The following TENM2 variants were observed in gnomAD, a reference collection of about 807,000 sequenced individuals.
TENM2 encodes teneurin transmembrane protein 2.
Under a neutral mutation model 245.2 loss-of-function variants are expected in TENM2, and 52 were observed. The observed-to-expected ratio is 0.21, with a 90% confidence interval of 0.17 to 0.27. TENM2 has a LOEUF of 0.27. Ranked by LOEUF, TENM2 falls within the 10% of genes least tolerant of loss-of-function variation. The pLI, the probability that TENM2 is intolerant of heterozygous loss-of-function variation, is 1.00. For missense variants in TENM2, 3,046 were observed against 3,666.8 expected (o/e 0.83, Z 4.37); for synonymous variants, 1,363 against 1,438.9 (o/e 0.95, Z 1.19).
chr5:167,986,928 C>T (rs191216320), intron 4 of TENM2, among the ~76,000 whole-genome samples: 1 of 152,288 alleles, frequency 6.6e-6, no homozygotes, highest in Admixed American at 6.5e-5. Context: ...GATTTTCCAG[C>T]AGCATGTGAC....
chr5:168,118,302 T>A, exon 10 of TENM2: 1 of 1,585,550 alleles, frequency 6.3e-7, no homozygotes, highest in Non-Finnish European at 8.6e-7. Context: ...CTGCCTGCCC[T>A]GTCCTGTGCA....
the TENM2 span, among the ~76,000 whole-genome samples, chr5:167,004,779 G>A: frequency 6.6e-6 from 1 of 152,244 alleles, no homozygotes; most frequent in Non-Finnish European, 1.5e-5. Context: ...GGTTAGAAGG[G>A]CCTTACGTTA....
chr5:167,937,464 G>A (rs779780225), intron 3 of TENM2, among the ~76,000 whole-genome samples: 3 of 152,170 alleles, frequency 2.0e-5, no homozygotes, highest in African/African-American at 4.8e-5. Flanking sequence ...CAGACTGGCT[G>A]TCTCATTTTG....
rs140389457 is a variant in TENM2 at position 168,171,420 on chromosome 5, C to T, written c.2569+8663C>T. ...AACCATTGGCTCCTTTTTTCTAAAA[C>T]ACTCAAAAAATTTGGACAGTGTTTC... is the stretch of plus-strand genomic sequence containing the variant. On this transcript the variant is annotated intron_variant, in intron 13 of 28. Transcript: ENST00000518659. Among the ~76,000 whole-genome samples the T allele has an allele frequency of 3.9e-5, 6 of 152,222 alleles. No individual in the cohort carries two copies. In the East Asian group the frequency reaches 1.2e-3, roughly 29 times the overall value.
At chr5:167,532,274 T>C (rs781000485) in intron 2 of TENM2, among the ~76,000 whole-genome samples, 1 of 152,098 alleles carries the variant, frequency 6.6e-6, no homozygotes, top group Non-Finnish European at 1.5e-5. Context: ...TATATACAAC[T>C]CTCTGTCATG....
At chr5:168,167,869 G>A (rs988004563) in intron 13 of TENM2, among the ~76,000 whole-genome samples, 1 of 152,194 alleles carries the variant, frequency 6.6e-6, no homozygotes, top group Non-Finnish European at 1.5e-5. Context: ...AAGTTTAAGT[G>A]AGAAAATGCA....
intron 12 of TENM2, chr5:168,139,559 G>T (rs899975158): frequency 3.5e-5 from 16 of 456,330 alleles, no homozygotes; most frequent in African/African-American, 2.8e-4. Context: ...GGTTGGGCAG[G>T]CCTTTCCTCT....
At chr5:167,520,932 CTTTT>C (rs374211778) in intron 2 of TENM2, among the ~76,000 whole-genome samples, 46 of 130,468 alleles carry the variant, frequency 3.5e-4, no homozygotes, top group Non-Finnish European at 5.7e-4. Flanking sequence ...ATTCTTTTTC[CTTTT>C]TTTTTTTTTT....
At chr5:167,712,129 G>A (rs574407022) in intron 2 of TENM2, among the ~76,000 whole-genome samples, 2 of 130,098 alleles carry the variant, frequency 1.5e-5, no homozygotes, top group African/African-American at 6.3e-5. Flanking sequence ...CAATCAACTC[G>A]ATCTTAATTA....
chr5:166,979,714 A>G, the TENM2 span, among the ~76,000 whole-genome samples: 1 of 151,004 alleles, frequency 6.6e-6, no homozygotes, highest in African/African-American at 2.4e-5. Context: ...TTCCTCCTTC[A>G]TCCTCAGATG....
chr5:167,864,158 A>G (rs779515127), intron 2 of TENM2, among the ~76,000 whole-genome samples: 1 of 152,212 alleles, frequency 6.6e-6, no homozygotes, highest in Non-Finnish European at 1.5e-5. Flanking sequence ...TCTGCTGCCT[A>G]GAGTGCATGT....
intron 2 of TENM2, among the ~76,000 whole-genome samples, chr5:167,858,740 C>T (rs535117924): frequency 0.063 from 9,552 of 150,652 alleles, 917 homozygotes; most frequent in African/African-American, 0.22. Flanking sequence ...CAGCCGCCGC[C>T]GCCCGACCGC....
At chr5:167,178,018 A>G in the TENM2 span, among the ~76,000 whole-genome samples, 1 of 152,252 alleles carries the variant, frequency 6.6e-6, no homozygotes, top group African/African-American at 2.4e-5. Context: ...AACATTCATA[A>G]CCATAGAGTT....
chr5:168,226,288 AC>A, intron 24 of TENM2, 25 bp downstream of exon 26: 2 of 1,602,346 alleles, frequency 1.2e-6, no homozygotes, highest in Non-Finnish European at 8.5e-7. Context: ...ATACCATCCT[AC>A]CCCCAAACTC....
intron 2 of TENM2, among the ~76,000 whole-genome samples, chr5:167,631,128 A>G (rs575124630): frequency 6.6e-6 from 1 of 152,334 alleles, no homozygotes; most frequent in African/African-American, 2.4e-5. Flanking sequence ...GATTTAAGAA[A>G]GATGAGATCC....
At chr5:167,517,440 G>A (rs1269593060) in intron 2 of TENM2, among the ~76,000 whole-genome samples, 1 of 152,126 alleles carries the variant, frequency 6.6e-6, no homozygotes, top group African/African-American at 2.4e-5. Context: ...GGGAGATAAT[G>A]GATGGTCTCA....
chr5:168,077,563 G>A (rs1311954695), intron 7 of TENM2, among the ~76,000 whole-genome samples: 3 of 152,024 alleles, frequency 2.0e-5, no homozygotes, highest in Non-Finnish European at 2.9e-5. Context: ...CTCTCCTAAT[G>A]CTATCCCTCC....
Position 167,489,722 on chromosome 5 carries a change from A to G in TENM2, c.502+114249A>G, listed in dbSNP as rs77258440. Among the ~76,000 whole-genome samples the G allele has an allele frequency of 9.0e-3, 1,370 of 152,322 alleles. 26 individuals are homozygous for G. Among genetic ancestry groups the G allele is most frequent in the African/African-American group, 0.032 (1,314 of 41,568 alleles). Reference sequence around the variant, plus strand: ...GATGTCTATATCCTCAGTGCTAAGCACAGTATGTACTGGATATACATGCTT... The same window carrying G: ...GATGTCTATATCCTCAGTGCTAAGCGCAGTATGTACTGGATATACATGCTT... On this transcript the variant is annotated intron_variant, in intron 2 of 28. Transcript: ENST00000518659.
At position 168,194,459 on chromosome 5, in the gene TENM2, G is replaced by A. The variant is rs906149852; in HGVS notation, c.2781-717G>A. Among the ~76,000 whole-genome samples the A allele has an allele frequency of 5.3e-5, 8 of 152,018 alleles. No homozygotes were observed. In the East Asian group the frequency reaches 1.5e-3, roughly 29 times the overall value. On this transcript the variant is annotated intron_variant, in intron 14 of 28. Transcript: ENST00000518659. ...GTTCTGTAACACTGGAAATAAATTG[G>A]TAGGATTTCAAAACCCTTCAAGATA...
Sources: gnomAD v4.1 joint callset for allele counts (sites outside exome capture counted in the v4.1 genomes callset) on GRCh38, gnomAD v4.1.1 for gene constraint, MANE v1.5 for transcripts, NCBI Gene and HGNC (gene_info 2026-07-23, HGNC 2026-07-21) for gene names.